The following CFAP61 variants were observed in gnomAD, a reference collection of about 807,000 sequenced individuals.
CFAP61 encodes the protein cilia- and flagella-associated protein 61.
A neutral mutation model predicts 135.6 loss-of-function variants in CFAP61; 107 were observed. That is an observed-to-expected ratio of 0.79 (90% confidence interval 0.67 to 0.93). CFAP61 has a LOEUF of 0.93. CFAP61 is among the 40% of genes least tolerant of loss of function. CFAP61 has a pLI of 0.00. For missense variants in CFAP61, 1,507 were observed against 1,556.2 expected (o/e 0.97, Z 0.53); for synonymous variants, 575 against 578.5 (o/e 0.99, Z 0.09).
intron 25 of CFAP61, among the ~76,000 whole-genome samples, chr20:20,313,272 C>T (rs1276326711): frequency 6.6e-6 from 1 of 152,212 alleles, no homozygotes; most frequent in Non-Finnish European, 1.5e-5. Context: ...CTCACCAGAA[C>T]CTAACTATGT....
intron 13 of CFAP61, among the ~76,000 whole-genome samples, chr20:20,185,287 A>G (rs2055417644): frequency 6.6e-6 from 1 of 152,234 alleles, no homozygotes; most frequent in African/African-American, 2.4e-5. Context: ...TTAACATTTG[A>G]TAAGCATTGC....
chr20:20,219,785 T>A lies in CFAP61; in HGVS notation c.1933-8464T>A, dbSNP rs111760856. On this transcript the variant is annotated intron_variant, in intron 17 of 26. Transcript: ENST00000245957. ...CATAATCAAAATGTGTATTATAAAC[T>A]TATATATGCTATGATATTGTGATAA... 9.0e-3 allele frequency among the ~76,000 whole-genome samples: 1,373 copies of A among 152,338 alleles called. 22 individuals are homozygous for A. The highest frequency in any genetic ancestry group is 0.031 in the African/African-American group (1,305 of 41,572).
intron 8 of CFAP61, among the ~76,000 whole-genome samples, chr20:20,133,317 G>A (rs1439787563): frequency 1.3e-5 from 2 of 152,168 alleles, no homozygotes; most frequent in African/African-American, 4.8e-5. Context: ...CTACTCACAT[G>A]TCTTGGAGTG....
chr20:20,340,053 C>T (rs778821141), intron 25 of CFAP61, among the ~76,000 whole-genome samples: 72 of 152,282 alleles, frequency 4.7e-4, no homozygotes, highest in African/African-American at 1.5e-3. Context: ...GGAAAGCAGC[C>T]GGGTCTGAGC....
At position 20,354,480 on chromosome 20, in the gene CFAP61, G is replaced by T. The variant is rs1462005778; in HGVS notation, c.3514-5730G>T. ...ATCATACCACTGCACTCCAGTCTGG[G>T]TGACAGAGAGAGACCTTGTCTCAAA... On this transcript the variant is annotated intron_variant, in intron 26 of 26. Coordinates refer to ENST00000245957, the MANE Select transcript of CFAP61 (RefSeq NM_015585.4). Among the ~76,000 whole-genome samples, 6 of 145,450 alleles carry T rather than the reference G, an allele frequency of 4.1e-5. 1 individual carries two copies. Among genetic ancestry groups the T allele is most frequent in the Admixed American group, 2.8e-4 (4 of 14,202 alleles).
intron 26 of CFAP61, among the ~76,000 whole-genome samples, chr20:20,353,478 CT>C (rs1394668382): frequency 6.6e-6 from 1 of 152,150 alleles, no homozygotes; most frequent in African/African-American, 2.4e-5. Context: ...AAATAATTAC[CT>C]TACTTGTTTA....
chr20:20,233,002 T>G (rs189355874), intron 18 of CFAP61: 1 of 152,292 alleles, frequency 6.6e-6, no homozygotes, highest in East Asian at 1.9e-4. Context: ...GCCTCAGACT[T>G]TCAGCCTAGA....
intron 25 of CFAP61, among the ~76,000 whole-genome samples, chr20:20,337,583 T>TGG (rs5840880): frequency 0.15 from 414 of 2,708 alleles, 84 homozygotes; most frequent in Non-Finnish European, 0.4. Context: ...GATGGATAGA[T>TGG]GTGGGTGGAT....
At chr20:20,066,680 T>G (rs2045297146) in intron 2 of CFAP61, among the ~76,000 whole-genome samples, 1 of 150,880 alleles carries the variant, frequency 6.6e-6, no homozygotes, top group Non-Finnish European at 1.5e-5. Context: ...CCTGTCGGGG[T>G]GGGGGCTAGG....
intron 25 of CFAP61, among the ~76,000 whole-genome samples, chr20:20,333,918 G>A (rs1241839064): frequency 6.6e-6 from 1 of 152,120 alleles, no homozygotes; most frequent in Non-Finnish European, 1.5e-5. Flanking sequence ...AGGTCGTGGG[G>A]CCTGTGGGCT....
chr20:20,349,650 C>T (rs955553653), intron 26 of CFAP61, among the ~76,000 whole-genome samples: 1 of 152,110 alleles, frequency 6.6e-6, no homozygotes, highest in Non-Finnish European at 1.5e-5. Flanking sequence ...ATTATAATAG[C>T]ATTAAAAAGA....
intron 2 of CFAP61, chr20:20,069,892 A>G (rs1462063119): frequency 8.5e-6 from 3 of 354,178 alleles, no homozygotes; most frequent in Non-Finnish European, 1.7e-5. Context: ...CTCCTCAAGA[A>G]GGAACATGGG....
At chr20:20,110,852 C>T (rs539886912) in intron 8 of CFAP61, among the ~76,000 whole-genome samples, 1 of 152,190 alleles carries the variant, frequency 6.6e-6, no homozygotes, top group Non-Finnish European at 1.5e-5. Context: ...CTTCAGCTCA[C>T]AGGGCTTCTT....
intron 17 of CFAP61, chr20:20,215,154 G>A (rs966287371): frequency 6.6e-6 from 1 of 152,288 alleles, no homozygotes; most frequent in South Asian, 2.1e-4. Context: ...GGCATCTCGT[G>A]ACAGAGCCTC....
chr20:20,164,761 C>A lies in CFAP61; in HGVS notation c.1205+533C>A, dbSNP rs147566159. Among the ~76,000 whole-genome samples, 20 of 152,238 alleles carry A rather than the reference C, an allele frequency of 1.3e-4. 1 individual carries two copies. The East Asian group carries it at 3.9e-3, about 29-fold the overall frequency. On this transcript the variant is annotated intron_variant, in intron 11 of 26. Coordinates refer to ENST00000245957, the MANE Select transcript of CFAP61 (RefSeq NM_015585.4). ...CCCTGTGTGTTAGTCTGTTTTCATG[C>A]TGGTGATAAAGACATACTCAAGACT...
At chr20:20,058,286 T>G (rs2044531572) in intron 2 of CFAP61, among the ~76,000 whole-genome samples, 1 of 152,210 alleles carries the variant, frequency 6.6e-6, no homozygotes, top group Non-Finnish European at 1.5e-5. Context: ...TATGGTGGAC[T>G]CAGTACCTTA....
At chr20:20,167,388 A>G (rs1314619714) in intron 12 of CFAP61, among the ~76,000 whole-genome samples, 1 of 152,242 alleles carries the variant, frequency 6.6e-6, no homozygotes, top group Admixed American at 6.5e-5. Flanking sequence ...GGATTTACAA[A>G]GTCGGTTTCC....
chr20:20,265,852 C>A lies in CFAP61; in HGVS notation c.2503+2722C>A, dbSNP rs541439998. 1.9e-5 allele frequency: 4 copies of A among 209,560 alleles called. No individual in the cohort carries two copies. The Admixed American group carries it at 2.2e-4, about 11-fold the overall frequency. The allele number at this position is 209,560 out of a possible 1,614,324, so 13.0% of individuals were successfully genotyped here. A position where few individuals can be genotyped will look rare whatever the true frequency, so the allele number is the denominator to read the frequency against. ...TAAAAAAACTTTCTCCTCTTTGTAT[C>A]TTTTCTGTAATCCAGGTCATACTCA... On this transcript the variant is annotated intron_variant, in intron 21 of 26. Coordinates refer to ENST00000245957, the MANE Select transcript of CFAP61 (RefSeq NM_015585.4).
At chr20:20,235,109 C>G (rs1474093325) in intron 18 of CFAP61, among the ~76,000 whole-genome samples, 1 of 152,074 alleles carries the variant, frequency 6.6e-6, no homozygotes, top group Non-Finnish European at 1.5e-5. Flanking sequence ...CTGGGGGAGC[C>G]GGAGGTGCTT....
Sources: gnomAD v4.1 joint callset for allele counts (sites outside exome capture counted in the v4.1 genomes callset) on GRCh38, gnomAD v4.1.1 for gene constraint, MANE v1.5 for transcripts, NCBI Gene and HGNC (gene_info 2026-07-23, HGNC 2026-07-21) for gene names.